The following ATP13A4 variants were observed in gnomAD, a reference collection of about 807,000 sequenced individuals.
ATP13A4 encodes ATPase 13A4.
Under a neutral mutation model 142.5 loss-of-function variants are expected in ATP13A4, and 114 were observed. That is an observed-to-expected ratio of 0.80 (90% CI 0.69 to 0.93). The LOEUF (loss-of-function observed/expected upper bound fraction) is 0.93, where lower values mean the gene tolerates loss of function less well. Among genes scored for constraint, ATP13A4 ranks in the 40% least tolerant of loss-of-function variants. ATP13A4 has a pLI of 0.00. For synonymous variants in ATP13A4, 488 were observed against 514.8 expected (o/e 0.95, Z 0.70); for missense variants, 1,392 against 1,454.0 (o/e 0.96, Z 0.69).
upstream of ATP13A4, among the ~76,000 whole-genome samples, chr3:193,557,273 A>G (rs1210190960): frequency 6.6e-6 from 1 of 152,246 alleles, no homozygotes; most frequent in Non-Finnish European, 1.5e-5. Context: ...AATAGAGCTG[A>G]GGACTCCAGT....
chr3:193,459,165 C>A lies in ATP13A4; in HGVS notation c.1590G>T (p.Met530Ile). 1 of 1,614,218 alleles carries A rather than the reference C, an allele frequency of 6.2e-7. No homozygotes were observed. The highest frequency in any genetic ancestry group is 8.5e-7 in the Non-Finnish European group (1 of 1,180,032). Residue 530 changes from methionine (M) to isoleucine (I), a missense_variant, in exon 14 of 30, where the codon ATG (methionine) becomes ATT (isoleucine). By Grantham distance (10) the Met-to-Ile change is conservative. Coordinates refer to ENST00000342695, the MANE Select transcript of ATP13A4 (RefSeq NM_032279.4). Reference protein sequence around the residue: ...ALPWGPLCAAMASCHSLILLD... With the variant: ...ALPWGPLCAAIASCHSLILLD... ...GAAGGATCAGAGAGTGGCAGCTGGC[C>A]ATCGCTGCACACAGTGGGCCCCATG...
chr3:193,577,043 CT>C (rs1258692673), intron 2 of ATP13A4, among the ~76,000 whole-genome samples: 20 of 152,322 alleles, frequency 1.3e-4, no homozygotes, highest in Non-Finnish European at 2.6e-4. Flanking sequence ...TCATTGTTGA[CT>C]CCATAATAGT....
At chr3:193,498,183 T>C (rs770928100) in intron 3 of ATP13A4, among the ~76,000 whole-genome samples, 41 of 152,048 alleles carry the variant, frequency 2.7e-4, no homozygotes, top group Admixed American at 1.6e-3. Context: ...CTGTACCCCA[T>C]AAATATGTAC....
In ATP13A4 at chr3:193,418,647, C is replaced by T. The variant is rs538267139; in HGVS notation, c.2843-3897G>A. Among the ~76,000 whole-genome samples the T allele has an allele frequency of 1.5e-4, 22 of 149,706 alleles. 1 individual carries two copies. The highest frequency in any genetic ancestry group is 1.4e-4 in the Admixed American group (2 of 14,470). On this transcript the variant is annotated intron_variant, in intron 25 of 29. Coordinates refer to ENST00000342695, the MANE Select transcript of ATP13A4 (RefSeq NM_032279.4). ...GGTAAGCAAGAGGACCCCAGCAGCC[C>T]CCATCAACACCCTGGACACCTACAG...
At chr3:193,493,316 T>C (rs1450711893) in intron 3 of ATP13A4, among the ~76,000 whole-genome samples, 156 bp from the exon 4 acceptor site, 1 of 152,172 alleles carries the variant, frequency 6.6e-6, no homozygotes, top group Non-Finnish European at 1.5e-5. Flanking sequence ...TTTGCTTTTC[T>C]ACCATACAAA....
intron 3 of ATP13A4, among the ~76,000 whole-genome samples, chr3:193,495,287 G>A (rs1720162614): frequency 6.6e-6 from 1 of 151,640 alleles, no homozygotes. Context: ...CTAGACAAGG[G>A]CACAACAAAA....
At chr3:193,487,991 C>A (rs556761646) in intron 7 of ATP13A4, among the ~76,000 whole-genome samples, 1 of 152,098 alleles carries the variant, frequency 6.6e-6, no homozygotes, top group African/African-American at 2.4e-5. Context: ...AGGCTGGGCA[C>A]GGTGGCTCAC....
intron 1 of ATP13A4, chr3:193,553,830 C>T (rs981918968): frequency 6.6e-5 from 10 of 152,140 alleles, no homozygotes; most frequent in African/African-American, 2.4e-4. Context: ...AGGGCTAAAG[C>T]AATTAACCAA....
intron 3 of ATP13A4, among the ~76,000 whole-genome samples, chr3:193,498,793 A>G (rs1418118768): frequency 6.6e-6 from 1 of 152,216 alleles, no homozygotes; most frequent in East Asian, 1.9e-4. Flanking sequence ...ATAAATTTAG[A>G]CAATTGGACA....
At chr3:193,402,900 G>A in intron 29 of ATP13A4, 36 bp from the exon 30 acceptor site, 2 of 1,592,448 alleles carry the variant, frequency 1.3e-6, no homozygotes, top group Admixed American at 1.7e-5. Context: ...ACAAGCAAGG[G>A]TTGAGTGTTT....
At chr3:193,510,927 A>G (rs571397007) in intron 2 of ATP13A4, among the ~76,000 whole-genome samples, 1 of 152,360 alleles carries the variant, frequency 6.6e-6, no homozygotes, top group East Asian at 1.9e-4. Context: ...AATATAATTC[A>G]AATAAAATCT....
intron 26 of ATP13A4, 29 bp downstream of exon 26, chr3:193,414,550 A>G: frequency 6.2e-7 from 1 of 1,609,670 alleles, no homozygotes; most frequent in Non-Finnish European, 8.5e-7. Context: ...TTAGAATGTG[A>G]GAAGCAGAAG....
upstream of ATP13A4, among the ~76,000 whole-genome samples, chr3:193,557,267 G>C (rs139985676): frequency 1.5e-3 from 224 of 152,300 alleles, no homozygotes; most frequent in Non-Finnish European, 2.8e-3. Context: ...TGGTTCAATA[G>C]AGCTGAGGAC....
chr3:193,562,445 T>C (rs1299851895), intron 2 of ATP13A4, among the ~76,000 whole-genome samples: 1 of 152,208 alleles, frequency 6.6e-6, no homozygotes, highest in Non-Finnish European at 1.5e-5. Context: ...AATATCTGTG[T>C]GTGCGATGTA....
chr3:193,468,496 C>T lies in ATP13A4; in HGVS notation c.944-1010G>A, dbSNP rs112754845. On this transcript the variant is annotated intron_variant, in intron 9 of 29. Coordinates refer to ENST00000342695, the MANE Select transcript of ATP13A4 (RefSeq NM_032279.4). The stretch of plus-strand genomic sequence containing the variant: ...GGGTGTAGTGGCTCACGCCTTTAAT[C>T]CTAGCACTTTGGGAGGCAGAGACAG... Among the ~76,000 whole-genome samples the T allele has an allele frequency of 1.0e-2, 1,519 of 152,278 alleles. 12 individuals are homozygous for T. The highest frequency in any genetic ancestry group is 0.058 in the Middle Eastern group (17 of 294).
intron 6 of ATP13A4, 83 bp from the exon 7 acceptor site, chr3:193,489,947 C>G (rs1719855866): frequency 7.1e-7 from 1 of 1,405,318 alleles, no homozygotes; most frequent in Non-Finnish European, 1.0e-6. Flanking sequence ...TCATAATCAT[C>G]TTCATGACAT....
chr3:193,538,179 A>G (rs1167029617), intron 1 of ATP13A4, among the ~76,000 whole-genome samples: 1 of 152,228 alleles, frequency 6.6e-6, no homozygotes, highest in Non-Finnish European at 1.5e-5. Flanking sequence ...ATCTTTTTAA[A>G]GAAATAAATG....
At position 193,414,711 on chromosome 3, in the gene ATP13A4, C is replaced by T. The variant is rs777360198; in HGVS notation, c.2882G>A (p.Arg961Lys). 26 of 1,613,990 alleles carry T rather than the reference C, an allele frequency of 1.6e-5. No homozygotes were observed. The highest frequency in any genetic ancestry group is 1.9e-5 in the Non-Finnish European group (22 of 1,180,026). ...TGGAGAGATCAGCCGTCCTGCAGGT[C>T]TGAAAGGCACCAGCTTAGGGTAGGC... ...NGAYPKLVPFRPAGRLISPPL... is the reference protein window; with the variant it reads ...NGAYPKLVPFKPAGRLISPPL... Residue 961 changes from arginine (R) to lysine (K), a missense_variant, in exon 26 of 30, where the codon AGA becomes AAA. Arg to Lys is a conservative substitution (Grantham distance 26). Transcript: ENST00000342695.
chr3:193,454,267 G>T, intron 16 of ATP13A4, 55 bp from the exon 17 acceptor site: 3 of 1,326,116 alleles, frequency 2.3e-6, no homozygotes, highest in Non-Finnish European at 3.3e-6. Flanking sequence ...GGCAGTACTG[G>T]CAAAGAAATT....
Sources: allele counts gnomAD v4.1 joint callset (sites outside exome capture counted in the v4.1 genomes callset), GRCh38; gene constraint gnomAD v4.1.1; transcripts MANE v1.5; gene names NCBI Gene and HGNC (gene_info 2026-07-23, HGNC 2026-07-21).